Variants in CNTN4 observed in about 807,000 individuals in gnomAD.
CNTN4 encodes contactin 4, also known as contactin-4.
A neutral mutation model predicts 122.5 loss-of-function variants in CNTN4; 77 were observed. The observed-to-expected ratio is 0.63, with a 90% confidence interval of 0.52 to 0.76. CNTN4 has a LOEUF of 0.76. Ranked by LOEUF, CNTN4 falls within the 30% of genes least tolerant of loss-of-function variation. CNTN4 has a pLI of 0.00. For missense variants in CNTN4, 1,256 were observed against 1,259.1 expected (o/e 1.00, Z 0.04); for synonymous variants, 512 against 447.0 (o/e 1.15, Z -1.83).
intron 4 of CNTN4, among the ~76,000 whole-genome samples, chr3:2,724,662 G>A (rs78374305): frequency 0.04 from 6,071 of 152,258 alleles, 180 homozygotes; most frequent in Non-Finnish European, 0.058. Context: ...AATATTAGTT[G>A]AGGAGCTGCG....
intron 2 of CNTN4, among the ~76,000 whole-genome samples, chr3:2,106,100 C>T (rs2032418783): frequency 6.6e-6 from 1 of 152,238 alleles, no homozygotes; most frequent in Admixed American, 6.5e-5. Flanking sequence ...GAGGTGGGCT[C>T]CCACTGTCTG....
At chr3:2,232,416 G>A (rs1237825204) in intron 2 of CNTN4, among the ~76,000 whole-genome samples, 1 of 152,096 alleles carries the variant, frequency 6.6e-6, no homozygotes, top group East Asian at 1.9e-4. Context: ...GAATGCATGA[G>A]AACAACTGTT....
chr3:2,751,549 G>C (rs2090091771), intron 6 of CNTN4, among the ~76,000 whole-genome samples: 1 of 152,108 alleles, frequency 6.6e-6, no homozygotes, highest in Admixed American at 6.5e-5. Flanking sequence ...TTCTTCCATA[G>C]ACGAATAAAT....
intron 3 of CNTN4, among the ~76,000 whole-genome samples, chr3:2,501,037 A>G (rs148176933): frequency 1.4e-3 from 220 of 152,004 alleles, no homozygotes; most frequent in Middle Eastern, 6.8e-3. Context: ...TTCTTCCATT[A>G]TTTTTAGGTT....
At chr3:3,006,113 T>TG (rs1312757615) in intron 14 of CNTN4, among the ~76,000 whole-genome samples, 1 of 152,076 alleles carries the variant, frequency 6.6e-6, no homozygotes, top group Non-Finnish European at 1.5e-5. Context: ...CCTGACCTTG[T>TG]GATCCGCCCG....
intron 3 of CNTN4, chr3:2,362,654 G>C: frequency 4.9e-6 from 2 of 411,486 alleles, no homozygotes; most frequent in Non-Finnish European, 9.3e-6. Context: ...ACCAACTTGA[G>C]ATCAATGATG....
chr3:2,115,285 G>A (rs2033269417), intron 2 of CNTN4, among the ~76,000 whole-genome samples: 1 of 152,188 alleles, frequency 6.6e-6, no homozygotes, highest in African/African-American at 2.4e-5. Flanking sequence ...CATGGTGTGT[G>A]GTCCAATATT....
intron 3 of CNTN4, among the ~76,000 whole-genome samples, chr3:2,528,424 G>A (rs917660918): frequency 2.6e-5 from 4 of 152,068 alleles, no homozygotes; most frequent in South Asian, 2.1e-4. Flanking sequence ...AATGAACACA[G>A]TTATACACCA....
intron 3 of CNTN4, among the ~76,000 whole-genome samples, chr3:2,347,410 C>CCTTTT (rs2044438491): frequency 8.8e-6 from 1 of 113,162 alleles, no homozygotes; most frequent in African/African-American, 3.3e-5. Context: ...GAAATACAAT[C>CCTTTT]TTTTTTTTTT....
intron 2 of CNTN4, among the ~76,000 whole-genome samples, chr3:2,124,711 T>C (rs2034030598): frequency 6.6e-6 from 1 of 152,126 alleles, no homozygotes; most frequent in Non-Finnish European, 1.5e-5. Context: ...AGGTTGAGGC[T>C]GCAGTAAGCT....
intron 4 of CNTN4, among the ~76,000 whole-genome samples, chr3:2,726,777 A>G (rs2088256033): frequency 6.6e-6 from 1 of 152,234 alleles, no homozygotes; most frequent in Non-Finnish European, 1.5e-5. Context: ...TACATTTGCC[A>G]GGACCACAGC....
At chr3:3,039,070 T>C (rs1420801160) in intron 19 of CNTN4, 67 bp downstream of exon 19, 1 of 1,375,512 alleles carries the variant, frequency 7.3e-7, no homozygotes, top group Non-Finnish European at 1.0e-6. Context: ...TCCTCCATGT[T>C]AGACATAGCT....
intron 3 of CNTN4, among the ~76,000 whole-genome samples, chr3:2,366,126 T>C (rs1228198793): frequency 6.6e-6 from 1 of 152,200 alleles, no homozygotes; most frequent in African/African-American, 2.4e-5. Flanking sequence ...GAACCTTAGC[T>C]CTCAATTATA....
chr3:2,807,156 C>T (rs1029263679), intron 6 of CNTN4, among the ~76,000 whole-genome samples: 3 of 152,124 alleles, frequency 2.0e-5, no homozygotes, highest in African/African-American at 7.2e-5. Flanking sequence ...AATGAATCTT[C>T]GTTGGTTCTT....
chr3:2,629,610 C>T (rs895215699), intron 4 of CNTN4: 1 of 441,188 alleles, frequency 2.3e-6, no homozygotes, highest in Non-Finnish European at 4.5e-6. Context: ...AATAGAAAAG[C>T]CTAAGTTACA....
chr3:2,679,489 C>T (rs949175555), intron 4 of CNTN4, among the ~76,000 whole-genome samples: 3 of 152,092 alleles, frequency 2.0e-5, no homozygotes, highest in African/African-American at 7.2e-5. Flanking sequence ...CTCTGAGGGG[C>T]ATGGAAGTGT....
intron 3 of CNTN4, among the ~76,000 whole-genome samples, chr3:2,539,205 A>T (rs890158724): frequency 6.6e-6 from 1 of 152,104 alleles, no homozygotes; most frequent in African/African-American, 2.4e-5. Flanking sequence ...TATTCTTGAA[A>T]TTAGCATAAA....
intron 2 of CNTN4, among the ~76,000 whole-genome samples, chr3:2,257,051 A>G (rs376318785): frequency 6.6e-6 from 1 of 151,540 alleles, no homozygotes; most frequent in East Asian, 2.0e-4. Flanking sequence ...CGACAAGGCT[A>G]CAGTAACCAA....
intron 7 of CNTN4, among the ~76,000 whole-genome samples, chr3:2,830,656 A>T (rs757884418): frequency 1.3e-5 from 2 of 152,212 alleles, no homozygotes; most frequent in Non-Finnish European, 2.9e-5. Context: ...TTTCAACAAC[A>T]TGAATCTGGC....
Sources: allele counts gnomAD v4.1 joint callset (sites outside exome capture counted in the v4.1 genomes callset), GRCh38; gene constraint gnomAD v4.1.1; transcripts MANE v1.5; gene names NCBI Gene and HGNC (gene_info 2026-07-23, HGNC 2026-07-21).